Variants in CCBE1 observed in about 807,000 individuals in gnomAD.
CCBE1 encodes the protein collagen and calcium binding EGF domains 1, also known as collagen and calcium-binding EGF domain-containing protein 1.
A neutral mutation model predicts 50.0 loss-of-function variants in CCBE1; 37 were observed. That is an observed-to-expected ratio of 0.74 (90% confidence interval 0.57 to 0.97). CCBE1 has a LOEUF of 0.97. Ranked by LOEUF, CCBE1 falls within the 50% of genes least tolerant of loss-of-function variation. The pLI is 0.00. For synonymous variants in CCBE1, 234 were observed against 203.7 expected, an observed-to-expected ratio of 1.15 and a Z score of -1.27; for missense variants, 538 against 523.8, an observed-to-expected ratio of 1.03 and a Z score of -0.26.
chr18:59,670,240 C>T (rs1382484956), intron 2 of CCBE1, among the ~76,000 whole-genome samples: 1 of 152,072 alleles, frequency 6.6e-6, no homozygotes, highest in Non-Finnish European at 1.5e-5. Context: ...ATAATAAAAA[C>T]TTGTGGTTTT....
intron 2 of CCBE1, among the ~76,000 whole-genome samples, chr18:59,583,674 TGTGTGTGCGCGCGCGC>T (rs1220752083): frequency 2.3e-5 from 3 of 131,366 alleles, no homozygotes; most frequent in South Asian, 2.4e-4. Context: ...TGTGTGTGTG[TGTGTGTGCGCGCGCGC>T]GCGCGCGCGC....
At chr18:59,696,832 G>T in intron 1 of CCBE1, 123 bp from the exon 2 acceptor site, 1 of 1,098,426 alleles carries the variant, frequency 9.1e-7, no homozygotes, top group Non-Finnish European at 1.4e-6. Flanking sequence ...TCTGGGCAGG[G>T]GCTGGTCCCC....
intron 2 of CCBE1, among the ~76,000 whole-genome samples, chr18:59,618,937 G>C (rs543603247): frequency 6.6e-6 from 1 of 152,058 alleles, no homozygotes; most frequent in Non-Finnish European, 1.5e-5. Context: ...GCTACTCCAG[G>C]TATTGGATTT....
chr18:59,647,874 T>C (rs943371859), intron 2 of CCBE1, among the ~76,000 whole-genome samples: 1 of 152,224 alleles, frequency 6.6e-6, no homozygotes, highest in East Asian at 1.9e-4. Flanking sequence ...TCATGTTGTA[T>C]GATTGTGTAG....
At chr18:59,560,032 C>T (rs940072722) in intron 2 of CCBE1, among the ~76,000 whole-genome samples, 1 of 152,204 alleles carries the variant, frequency 6.6e-6, no homozygotes, top group Non-Finnish European at 1.5e-5. Context: ...CATGGTCTTA[C>T]TGATATTATG....
chr18:59,543,847 A>AAAG (rs1555690354), intron 2 of CCBE1, among the ~76,000 whole-genome samples: 78 of 78,568 alleles, frequency 9.9e-4, no homozygotes, highest in African/African-American at 2.2e-3. Flanking sequence ...AAAAAAAAAA[A>AAAG]AAAAAAAAAA....
At chr18:59,469,291 G>A (rs1368240591) in intron 4 of CCBE1, among the ~76,000 whole-genome samples, 182 bp downstream of exon 4, 1 of 152,180 alleles carries the variant, frequency 6.6e-6, no homozygotes, top group African/African-American at 2.4e-5. Context: ...AATCCCGGAA[G>A]AATTCCTTGG....
chr18:59,462,845 C>A (rs1326204393), intron 5 of CCBE1, among the ~76,000 whole-genome samples: 1 of 152,186 alleles, frequency 6.6e-6, no homozygotes, highest in African/African-American at 2.4e-5. Context: ...CACAGGTCTG[C>A]AGAACATCAT....
intron 2 of CCBE1, among the ~76,000 whole-genome samples, chr18:59,544,511 CCATGTATTG>C (rs371150209): frequency 5.8e-4 from 89 of 152,286 alleles, no homozygotes; most frequent in African/African-American, 2.1e-3. Flanking sequence ...TCACATGCAC[CCATGTATTG>C]CAGGTGCTCT....
intron 2 of CCBE1, among the ~76,000 whole-genome samples, chr18:59,693,486 G>A (rs1234035286): frequency 6.6e-6 from 1 of 151,914 alleles, no homozygotes; most frequent in Non-Finnish European, 1.5e-5. Context: ...TAAAAAAGGG[G>A]GAAAAAAAGA....
At position 59,469,436 on chromosome 18, in the gene CCBE1, T is replaced by A. The variant is rs772550381; in HGVS notation, c.400+37A>T. ...GACAGAACCATCTGAACAAGGCACA[T>A]GTTCAGAAGCTGGAAACAAGCACAT... On this transcript the variant is annotated intron_variant, in intron 4 of 10. Transcript: ENST00000439986. 6.2e-6 allele frequency: 10 copies of A among 1,613,994 alleles called. No individual in the cohort carries two copies. The Admixed American group carries it at 1.7e-4, about 27-fold the overall frequency.
chr18:59,653,212 C>T (rs1000492910), intron 2 of CCBE1, among the ~76,000 whole-genome samples: 1 of 152,196 alleles, frequency 6.6e-6, no homozygotes, highest in Non-Finnish European at 1.5e-5. Flanking sequence ...GTCCTTGCCT[C>T]CTATCCCAGA....
At chr18:59,677,987 T>C (rs1268474838) in intron 2 of CCBE1, among the ~76,000 whole-genome samples, 1 of 152,144 alleles carries the variant, frequency 6.6e-6, no homozygotes, top group East Asian at 1.9e-4. Context: ...ATTTCCACAG[T>C]CATTACATCA....
intron 2 of CCBE1, among the ~76,000 whole-genome samples, chr18:59,620,786 G>A (rs1170687572): frequency 1.3e-5 from 2 of 152,186 alleles, no homozygotes; most frequent in African/African-American, 4.8e-5. Flanking sequence ...CTCCAGCCAT[G>A]TGGAACTGTG....
At position 59,433,918 on chromosome 18, in the gene CCBE1, A is replaced by ATTTTTTTTT; in HGVS notation, c.*1989_*1990insAAAAAAAAA. 1 of 39,204 alleles carries ATTTTTTTTT rather than the reference A, an allele frequency of 2.6e-5. No individual in the cohort carries two copies. Among genetic ancestry groups the ATTTTTTTTT allele is most frequent in the Non-Finnish European group, 4.5e-5 (1 of 22,236 alleles). The allele number at this position is 39,204 out of a possible 1,614,324, so 2.4% of individuals were successfully genotyped here. ...TTTTTTTTTTTTTTTTTTTTTTTTA[A>ATTTTTTTTT]TGAGACAGAGTCTCCCTCTGTTGCC... On this transcript the variant is annotated 3_prime_UTR_variant, in exon 11 of 11. Coordinates refer to ENST00000439986, the MANE Select transcript of CCBE1 (RefSeq NM_133459.4).
chr18:59,518,772 T>C (rs1914478676), intron 2 of CCBE1, among the ~76,000 whole-genome samples: 1 of 152,182 alleles, frequency 6.6e-6, no homozygotes, highest in African/African-American at 2.4e-5. Context: ...GGCCTCTGCA[T>C]CACTTTGCCT....
At chr18:59,683,443 C>T (rs527496855) in intron 2 of CCBE1, among the ~76,000 whole-genome samples, 1 of 152,182 alleles carries the variant, frequency 6.6e-6, no homozygotes, top group East Asian at 1.9e-4. Context: ...CGCCTGTAAT[C>T]CCAGCACTGT....
rs116768646 is a variant in CCBE1 at position 59,520,241 on chromosome 18, T to A, written c.213-40003A>T. On this transcript the variant is annotated intron_variant, in intron 2 of 10. Coordinates refer to ENST00000439986, the MANE Select transcript of CCBE1 (RefSeq NM_133459.4). ...CAATGGTAGCTTGGTAGGGATAGCA[T>A]TGAATGTATAAATTACTTTGGGCAA... Among the ~76,000 whole-genome samples the A allele has an allele frequency of 5.9e-3, 902 of 152,312 alleles. 4 individuals are homozygous for A. Among genetic ancestry groups the A allele is most frequent in the African/African-American group, 0.021 (858 of 41,566 alleles).
At chr18:59,524,524 A>C (rs545924947) in intron 2 of CCBE1, among the ~76,000 whole-genome samples, 1 of 152,350 alleles carries the variant, frequency 6.6e-6, no homozygotes, top group Non-Finnish European at 1.5e-5. Flanking sequence ...TGCAAAGTTC[A>C]ATAAGTGTAA....
Sources: gnomAD v4.1 joint callset for allele counts (sites outside exome capture counted in the v4.1 genomes callset) on GRCh38, gnomAD v4.1.1 for gene constraint, MANE v1.5 for transcripts, NCBI Gene and HGNC (gene_info 2026-07-23, HGNC 2026-07-21) for gene names.